Variants in GGACT observed in about 807,000 individuals in gnomAD.
The protein encoded by GGACT is gamma-glutamylamine cyclotransferase.
For missense variants in GGACT, 241 were observed against 233.2 expected (o/e 1.03, Z -0.22); for synonymous variants, 118 against 115.3 (o/e 1.02, Z -0.15).
chr13:100,574,298 C>A (rs551772992), intron 2 of GGACT, among the ~76,000 whole-genome samples: 22 of 152,264 alleles, frequency 1.4e-4, no homozygotes, highest in Admixed American at 3.9e-4. Flanking sequence ...CCTGGCCGGG[C>A]GTGGTGGCTC....
At chr13:100,575,667 G>C (rs1875228017) in intron 2 of GGACT, among the ~76,000 whole-genome samples, 1 of 152,178 alleles carries the variant, frequency 6.6e-6, no homozygotes, top group African/African-American at 2.4e-5. Context: ...GGGAGGCTGA[G>C]GCAGGAGGAT....
chr13:100,584,973 A>G (rs1317126806), intron 1 of GGACT, among the ~76,000 whole-genome samples: 1 of 152,218 alleles, frequency 6.6e-6, no homozygotes, highest in African/African-American at 2.4e-5. Flanking sequence ...AAGTCTTTAA[A>G]GTCAGATAAA....
chr13:100,570,383 A>G (rs1052336742), intron 2 of GGACT, among the ~76,000 whole-genome samples: 1 of 152,142 alleles, frequency 6.6e-6, no homozygotes, highest in Non-Finnish European at 1.5e-5. Context: ...CCTTTTTCAC[A>G]TGGTGGCATC....
At chr13:100,560,989 T>A (rs1276073588) in intron 2 of GGACT, among the ~76,000 whole-genome samples, 1 of 152,172 alleles carries the variant, frequency 6.6e-6, no homozygotes, top group Admixed American at 6.5e-5. Flanking sequence ...GGGCTGTCAT[T>A]TCATCACAAG....
chr13:100,553,738 G>A (rs2088686940), intron 2 of GGACT, among the ~76,000 whole-genome samples: 1 of 151,392 alleles, frequency 6.6e-6, no homozygotes, highest in Admixed American at 6.6e-5. Context: ...CAGCTACTTG[G>A]GAAGTTGAGG....
intron 2 of GGACT, among the ~76,000 whole-genome samples, chr13:100,570,097 C>T (rs927899487): frequency 5.3e-5 from 8 of 152,194 alleles, no homozygotes; most frequent in East Asian, 1.9e-4. Context: ...CAAACTTTCC[C>T]ACATTTTACT....
At chr13:100,586,305 C>A (rs749264825) in intron 1 of GGACT, among the ~76,000 whole-genome samples, 6 of 152,072 alleles carry the variant, frequency 3.9e-5, no homozygotes, top group Non-Finnish European at 8.8e-5. Context: ...GTGGATATGG[C>A]CAAACAAGAC....
chr13:100,543,053 G>A (rs1292997729), intron 2 of GGACT, among the ~76,000 whole-genome samples: 1 of 152,124 alleles, frequency 6.6e-6, no homozygotes, highest in East Asian at 1.9e-4. Flanking sequence ...AGTTTATGAT[G>A]ATAGTTTACA....
chr13:100,537,680 C>T (rs943738516), intron 2 of GGACT: 1 of 152,214 alleles, frequency 6.6e-6, no homozygotes, highest in African/African-American at 2.4e-5. Context: ...AGGCACTCTC[C>T]CTCAGAAACC....
At chr13:100,553,158 C>T (rs1160204511) in intron 2 of GGACT, among the ~76,000 whole-genome samples, 1 of 152,160 alleles carries the variant, frequency 6.6e-6, no homozygotes, top group African/African-American at 2.4e-5. Context: ...GGGCACTACG[C>T]CTGGGAGGTG....
At chr13:100,565,466 G>T (rs1296600737) in intron 2 of GGACT, among the ~76,000 whole-genome samples, 1 of 152,128 alleles carries the variant, frequency 6.6e-6, no homozygotes, top group Non-Finnish European at 1.5e-5. Flanking sequence ...TTTAAAACGT[G>T]GTGCTGGTGA....
intron 2 of GGACT, chr13:100,533,476 T>A (rs1332911151): frequency 6.6e-6 from 1 of 152,240 alleles, no homozygotes; most frequent in Non-Finnish European, 1.5e-5. Flanking sequence ...CAGTTTTCAG[T>A]GTTTCTTAAA....
At chr13:100,559,434 C>A (rs188791117) in intron 2 of GGACT, among the ~76,000 whole-genome samples, 3 of 151,714 alleles carry the variant, frequency 2.0e-5, no homozygotes, top group Admixed American at 1.3e-4. Context: ...TGATCTACCC[C>A]CCTCGGCCTC....
Position 100,532,098 on chromosome 13 carries a change from T to G in GGACT, c.*32A>C. ...TGGGCGCATCTTGGAGCCCCAGGGC[T>G]CTCAAACCTAGGCCCACCCTGCCCG... On this transcript the variant is annotated 3_prime_UTR_variant, in exon 3 of 3. Coordinates refer to ENST00000683975, the MANE Select transcript of GGACT (RefSeq NM_001195087.2). 1 of 1,406,698 alleles carries G rather than the reference T, an allele frequency of 7.1e-7. No homozygotes were observed. Among genetic ancestry groups the G allele is most frequent in the Non-Finnish European group, 9.3e-7 (1 of 1,069,584 alleles). The allele number at this position is 1,406,698 out of a possible 1,614,324, so 87.1% of individuals were successfully genotyped here.
chr13:100,540,770 C>G (rs1341989026), intron 2 of GGACT, among the ~76,000 whole-genome samples: 1 of 152,240 alleles, frequency 6.6e-6, no homozygotes, highest in Non-Finnish European at 1.5e-5. Flanking sequence ...TCACAACCAA[C>G]AGGACACATG....
intron 2 of GGACT, among the ~76,000 whole-genome samples, chr13:100,554,817 T>C (rs2088697184): frequency 6.6e-6 from 1 of 152,174 alleles, no homozygotes; most frequent in Non-Finnish European, 1.5e-5. Context: ...ATTACTTTTA[T>C]AGGTAAACGA....
At chr13:100,584,087 C>G (rs905016897) in intron 1 of GGACT, 90 bp from the exon 2 acceptor site, 3 of 152,166 alleles carry the variant, frequency 2.0e-5, no homozygotes, top group African/African-American at 7.2e-5. Context: ...AATGACCTAA[C>G]TACCATTAGA....
At chr13:100,566,277 A>G (rs909881344) in intron 2 of GGACT, among the ~76,000 whole-genome samples, 4 of 152,218 alleles carry the variant, frequency 2.6e-5, no homozygotes, top group East Asian at 1.9e-4. Context: ...TCAGCAGTGG[A>G]TAAGTCCAGA....
intron 1 of GGACT, among the ~76,000 whole-genome samples, 194 bp from the exon 2 acceptor site, chr13:100,584,191 G>T (rs1413180019): frequency 6.6e-6 from 1 of 152,172 alleles, no homozygotes. Context: ...GCCAAAGAAT[G>T]CCTTGAATAG....
Sources: allele counts gnomAD v4.1 joint callset (sites outside exome capture counted in the v4.1 genomes callset), GRCh38; gene constraint gnomAD v4.1.1; transcripts MANE v1.5; gene names NCBI Gene and HGNC (gene_info 2026-07-23, HGNC 2026-07-21).